ABAT: variants seen among roughly 807,000 people sequenced by gnomAD.
The protein encoded by ABAT is 4-aminobutyrate aminotransferase, also known as 4-aminobutyrate aminotransferase, mitochondrial.
Under a neutral mutation model 64.6 loss-of-function variants are expected in ABAT, and 45 were observed. The observed-to-expected ratio is 0.70, with a 90% CI of 0.55 to 0.89. The LOEUF is 0.89. Ranked by LOEUF, ABAT falls within the 40% of genes least tolerant of loss-of-function variation. The pLI, the probability that ABAT is intolerant of heterozygous loss-of-function variation, is 0.00. For missense variants in ABAT, 633 were observed against 658.4 expected, an observed-to-expected ratio of 0.96 and a Z score of 0.42; for synonymous variants, 297 against 250.5, an observed-to-expected ratio of 1.19 and a Z score of -1.75.
At position 8,781,846 on chromosome 16, in the gene ABAT, C is replaced by T. The variant is rs76000284; in HGVS notation, c.*416C>T. On this transcript the variant is annotated 3_prime_UTR_variant, in exon 16 of 16. Coordinates refer to ENST00000268251, the MANE Select transcript of ABAT (RefSeq NM_020686.6). This position sits in a 1 kb window ranked among gnomAD's most constrained non-coding sequence, Gnocchi z 4.5. The stretch of plus-strand genomic sequence containing the variant: ...TCTCAAGTGCCATATTCTGTGATCA[C>T]GGATGTTGGCTCCCCCTCGCCCTAT... 20 of 345,566 alleles carry T rather than the reference C, an allele frequency of 5.8e-5. No individual in the cohort carries two copies. Among genetic ancestry groups the T allele is most frequent in the Middle Eastern group, 1.0e-3 (1 of 974 alleles). The allele number at this position is 345,566 out of a possible 1,614,324, so 21.4% of individuals were successfully genotyped here.
At position 8,706,238 on chromosome 16, in the gene ABAT, A is replaced by ATAT. The variant is rs1029333942; in HGVS notation, c.-41-29461_-41-29460insTAT. ...ATGAAACTCTGTCTCTATAAAAAAAAATATATATATATATACAAAAAATTA... is the reference window on the plus strand; with the variant it reads ...ATGAAACTCTGTCTCTATAAAAAAAATATATATATATATATATACAAAAAATTA... On this transcript the variant is annotated intron_variant, in intron 1 of 15. Coordinates refer to ENST00000268251, the MANE Select transcript of ABAT (RefSeq NM_020686.6). 2.8e-4 allele frequency among the ~76,000 whole-genome samples: 41 copies of ATAT among 149,012 alleles called. 2 individuals carry two copies. Among genetic ancestry groups the ATAT allele is most frequent in the Non-Finnish European group, 3.0e-4 (20 of 67,186 alleles).
chr16:8,773,314 A>C (rs1258096504), intron 12 of ABAT, among the ~76,000 whole-genome samples: 1 of 151,804 alleles, frequency 6.6e-6, no homozygotes, highest in Non-Finnish European at 1.5e-5. Flanking sequence ...ACCATACCCA[A>C]CTAATTTTTG....
intron 1 of ABAT, among the ~76,000 whole-genome samples, chr16:8,710,689 A>G (rs1262236228): frequency 1.1e-5 from 1 of 87,918 alleles, no homozygotes; most frequent in Admixed American, 1.4e-4. Context: ...GCACTGAGAG[A>G]GAGACAGAGA....
At chr16:8,779,668 C>A (rs1453425645) in intron 15 of ABAT, 78 bp downstream of exon 15, 3 of 1,214,994 alleles carry the variant, frequency 2.5e-6, no homozygotes, top group Non-Finnish European at 3.6e-6. Flanking sequence ...TTGCTAGGTA[C>A]TCAGCAATAT....
chr16:8,725,905 G>A (rs954132702), intron 1 of ABAT, among the ~76,000 whole-genome samples: 3 of 152,146 alleles, frequency 2.0e-5, no homozygotes, highest in African/African-American at 2.4e-5. Context: ...CCCAGTGGGT[G>A]CCCTCCAACA....
chr16:8,739,072 A>T (rs1406582323), intron 2 of ABAT, among the ~76,000 whole-genome samples: 1 of 152,246 alleles, frequency 6.6e-6, no homozygotes, highest in African/African-American at 2.4e-5. Context: ...GGCACAGATG[A>T]TCCATTCATT....
chr16:8,684,674 A>C (rs2141933545), intron 1 of ABAT, among the ~76,000 whole-genome samples: 1 of 151,480 alleles, frequency 6.6e-6, no homozygotes, highest in South Asian at 2.1e-4. Flanking sequence ...ACTGAGCCAT[A>C]ATCATGCCAC....
rs2059902597 is a variant in ABAT, at chr16:8,764,972, G to A, written c.540+142G>A. 2.5e-6 allele frequency: 2 copies of A among 807,418 alleles called. No individual in the cohort carries two copies. Among genetic ancestry groups the A allele is most frequent in the South Asian group, 1.5e-5 (1 of 68,682 alleles). The allele number at this position is 807,418 out of a possible 1,614,324, so 50.0% of individuals were successfully genotyped here. A position where few individuals can be genotyped will look rare whatever the true frequency, so the allele number is the denominator to read the frequency against. On this transcript the variant is annotated intron_variant, in intron 8 of 15. Transcript: ENST00000268251. This position sits in a 1 kb window ranked among gnomAD's most constrained non-coding sequence, Gnocchi z 4.2. Reference sequence around the variant, plus strand: ...GGGTTAAAATACAGGGAGGGCCACTGCTGGATGGTACTTTGAGACGGCACA... The same window carrying A: ...GGGTTAAAATACAGGGAGGGCCACTACTGGATGGTACTTTGAGACGGCACA...
rs749392643 is a variant in ABAT, at chr16:8,768,946, A to G, written c.789A>G (p.Gln263=). 5.0e-6 allele frequency: 8 copies of G among 1,614,056 alleles called. No individual in the cohort carries two copies. Among genetic ancestry groups the G allele is most frequent in the Non-Finnish European group, 6.8e-6 (8 of 1,180,024 alleles). The change falls in exon 11 of 16, where the codon CAA becomes CAG. Residue 263 remains glutamine, a synonymous_variant. Coordinates refer to ENST00000268251, the MANE Select transcript of ABAT (RefSeq NM_020686.6). The stretch of plus-strand genomic sequence containing the variant: ...TGGAAGAGTTTGTGAAAGAGAACCA[A>G]CAGGAGGAGGCCCGCTGTCTGGAAG... ...YPLEEFVKEN[Q]QEEARCLEEV... is the part of the protein sequence containing the mutation.
chr16:8,702,484 C>T (rs763905026), intron 1 of ABAT, among the ~76,000 whole-genome samples: 5 of 152,172 alleles, frequency 3.3e-5, no homozygotes, highest in Non-Finnish European at 7.3e-5. Flanking sequence ...AACTCCTGAC[C>T]TCAAGTAATC....
intron 4 of ABAT, among the ~76,000 whole-genome samples, chr16:8,749,984 G>T (rs995273567): frequency 6.6e-6 from 1 of 152,126 alleles, no homozygotes; most frequent in Admixed American, 6.5e-5. Context: ...CAAAGTACTG[G>T]GATTACAGGC....
Position 8,705,698 on chromosome 16 carries a change from G to T in ABAT, c.-41-30001G>T, listed in dbSNP as rs76413329. ...GAACTCCCAGGCAGTTCGTTGGTTG[G>T]TGGTTGGTTTTTTGCTAGGTTTTAG... On this transcript the variant is annotated intron_variant, in intron 1 of 15. Transcript: ENST00000268251. Among the ~76,000 whole-genome samples, 1,424 of 152,266 alleles carry T rather than the reference G, an allele frequency of 9.4e-3. 28 individuals are homozygous for T. The highest frequency in any genetic ancestry group is 0.032 in the African/African-American group (1,320 of 41,538).
At chr16:8,722,850 C>A (rs1267961572) in intron 1 of ABAT, 116 of 1,288,984 alleles carry the variant, frequency 9.0e-5, no homozygotes, top group Non-Finnish European at 1.1e-4. Context: ...GAGGTAGGAG[C>A]AAGGCTTGGG....
In ABAT at chr16:8,707,720, C is replaced by G. The variant is rs560051231; in HGVS notation, c.-41-27979C>G. Among the ~76,000 whole-genome samples, 3 of 152,278 alleles carry G rather than the reference C, an allele frequency of 2.0e-5. No individual in the cohort carries two copies. In the East Asian group the frequency reaches 5.8e-4, roughly 29 times the overall value. ...TGGACTTAACTCCAGTGCATCCTAG[C>G]CAGGAATTAGGGAACTTTTTTTAAA... is the stretch of plus-strand genomic sequence containing the variant. On this transcript the variant is annotated intron_variant, in intron 1 of 15. Coordinates refer to ENST00000268251, the MANE Select transcript of ABAT (RefSeq NM_020686.6).
intron 1 of ABAT, among the ~76,000 whole-genome samples, chr16:8,729,340 C>G (rs1248659649): frequency 6.6e-6 from 1 of 151,976 alleles, no homozygotes; most frequent in Non-Finnish European, 1.5e-5. Flanking sequence ...TTGTTATTAG[C>G]TGGATTAACT....
chr16:8,754,670 A>T (rs6497761), intron 5 of ABAT, among the ~76,000 whole-genome samples: 3 of 14,608 alleles, frequency 2.1e-4, no homozygotes, highest in African/African-American at 3.2e-4. Flanking sequence ...TGATTTATTT[A>T]TTTCTTTCTT....
At chr16:8,723,005 G>A (rs536067863) in intron 1 of ABAT, among the ~76,000 whole-genome samples, 13 of 152,254 alleles carry the variant, frequency 8.5e-5, no homozygotes, top group South Asian at 2.1e-4. Flanking sequence ...CTGGGAGGCC[G>A]AGGGATCACT....
chr16:8,739,071 G>C (rs2059080333), intron 2 of ABAT, among the ~76,000 whole-genome samples: 1 of 152,244 alleles, frequency 6.6e-6, no homozygotes, highest in Non-Finnish European at 1.5e-5. Context: ...TGGCACAGAT[G>C]ATCCATTCAT....
chr16:8,695,603 C>T (rs2057684740), intron 1 of ABAT, among the ~76,000 whole-genome samples: 1 of 152,230 alleles, frequency 6.6e-6, no homozygotes, highest in South Asian at 2.1e-4. Flanking sequence ...TTAAAAGCAT[C>T]AGTGATGTCT....
Sources: gnomAD v4.1 joint callset for allele counts (sites outside exome capture counted in the v4.1 genomes callset) on GRCh38, gnomAD v4.1.1 for gene constraint, Gnocchi (gnomAD v3.1) non-coding constraint, MANE v1.5 for transcripts, NCBI Gene and HGNC (gene_info 2026-07-23, HGNC 2026-07-21) for gene names.